Variants in ADAMTSL1 observed in about 807,000 individuals in gnomAD.
ADAMTSL1 encodes the protein ADAMTS-like protein 1.
Under a neutral mutation model 201.8 loss-of-function variants are expected in ADAMTSL1, and 126 were observed. The ratio of observed to expected loss-of-function variants is 0.62; its 90% CI spans 0.54 to 0.72. The LOEUF (loss-of-function observed/expected upper bound fraction) is 0.72. ADAMTSL1 is among the 30% of genes least tolerant of loss of function. ADAMTSL1 has a pLI of 0.00. For missense variants in ADAMTSL1, 2,679 were observed against 2,277.8 expected (o/e 1.18, Z -3.59); for synonymous variants, 1,121 against 903.4 (o/e 1.24, Z -4.32).
At chr9:18,495,254 A>T (rs1822476531) in intron 1 of ADAMTSL1, among the ~76,000 whole-genome samples, 2 of 152,198 alleles carry the variant, frequency 1.3e-5, no homozygotes, top group South Asian at 4.1e-4. Context: ...TGAAAACATA[A>T]GCATGCAGGA....
chr9:18,272,151 C>A (rs1832395776), intron 2 of ADAMTSL1, among the ~76,000 whole-genome samples: 3 of 152,096 alleles, frequency 2.0e-5, no homozygotes, highest in Admixed American at 6.6e-5. Context: ...ATGGTAGTTT[C>A]TTTTGCTGTG....
intron 5 of ADAMTSL1, among the ~76,000 whole-genome samples, chr9:18,632,243 C>A (rs552710258): frequency 3.3e-5 from 5 of 152,330 alleles, no homozygotes; most frequent in African/African-American, 1.2e-4. Flanking sequence ...GAGGATTTAT[C>A]AGAAAGTGAG....
At chr9:18,219,837 A>G (rs1165043368) in intron 2 of ADAMTSL1, among the ~76,000 whole-genome samples, 1 of 152,134 alleles carries the variant, frequency 6.6e-6, no homozygotes, top group Non-Finnish European at 1.5e-5. Context: ...GATACAACTG[A>G]TATCAAGTGT....
intron 9 of ADAMTSL1, 108 bp downstream of exon 9, chr9:18,662,181 T>A (rs1405262508): frequency 2.2e-6 from 3 of 1,370,908 alleles, no homozygotes; most frequent in Non-Finnish European, 1.0e-6. Flanking sequence ...AAATTAAACA[T>A]CAATAGTGTT....
At chr9:18,125,035 AAAAAC>A (rs200206380) in intron 1 of ADAMTSL1, among the ~76,000 whole-genome samples, 1,706 of 152,264 alleles carry the variant, frequency 0.011, 36 homozygotes, top group African/African-American at 0.039. Flanking sequence ...CTTGCTGTTA[AAAAAC>A]AAAACAAATT....
At chr9:18,885,297 C>T (rs1399752217) in intron 23 of ADAMTSL1, among the ~76,000 whole-genome samples, 1 of 152,182 alleles carries the variant, frequency 6.6e-6, no homozygotes, top group East Asian at 1.9e-4. Context: ...TAATCCAACC[C>T]ATGAGGACAG....
chr9:18,588,452 T>A (rs1823663366), intron 4 of ADAMTSL1, among the ~76,000 whole-genome samples: 1 of 152,124 alleles, frequency 6.6e-6, no homozygotes, highest in Admixed American at 6.6e-5. Context: ...GTGCAGAAGT[T>A]TTTAGCTTAA....
At chr9:18,104,443 A>T (rs1221549040) in intron 1 of ADAMTSL1, among the ~76,000 whole-genome samples, 1 of 152,158 alleles carries the variant, frequency 6.6e-6, no homozygotes, top group East Asian at 1.9e-4. Context: ...TTTCCATTTT[A>T]GCTCTTTTCC....
intron 2 of ADAMTSL1, among the ~76,000 whole-genome samples, chr9:18,426,078 C>A (rs1014309981): frequency 4.6e-5 from 7 of 152,046 alleles, no homozygotes; most frequent in Non-Finnish European, 8.8e-5. Flanking sequence ...CTGTAGTAAT[C>A]CTAATCAGAA....
intron 1 of ADAMTSL1, among the ~76,000 whole-genome samples, chr9:18,051,019 T>A (rs1486344442): frequency 6.6e-6 from 1 of 152,112 alleles, no homozygotes; most frequent in South Asian, 2.1e-4. Flanking sequence ...CCAGACTATA[T>A]GGCCGGGTGC....
intron 1 of ADAMTSL1, among the ~76,000 whole-genome samples, chr9:18,126,452 C>T (rs1226028654): frequency 6.6e-6 from 1 of 152,120 alleles, no homozygotes; most frequent in Non-Finnish European, 1.5e-5. Context: ...CTTTCAAAGC[C>T]CCTTTGGCGT....
At chr9:18,674,198 G>A (rs62550598) in intron 9 of ADAMTSL1, among the ~76,000 whole-genome samples, 57 of 58,118 alleles carry the variant, frequency 9.8e-4, no homozygotes, top group Non-Finnish European at 1.5e-3. Flanking sequence ...ACACACACAG[G>A]CACACACACA....
chr9:18,324,875 A>G lies in ADAMTSL1; in HGVS notation c.207+160894A>G, dbSNP rs551237203. Among the ~76,000 whole-genome samples the G allele has an allele frequency of 1.2e-3, 182 of 152,324 alleles. 1 individual carries two copies. The highest frequency in any genetic ancestry group is 4.2e-3 in the African/African-American group (176 of 41,570). ...TACTAAGGGGAAATATGTACAATAC[A>G]TATCTGATGAAAGACTTCTAAATCA... is the stretch of plus-strand genomic sequence containing the variant. On this transcript the variant is annotated intron_variant, in intron 2 of 29. Coordinates refer to the ADAMTSL1 transcript ENST00000680146.
chr9:18,457,000 A>G (rs1820631568), intron 2 of ADAMTSL1, among the ~76,000 whole-genome samples: 1 of 152,240 alleles, frequency 6.6e-6, no homozygotes, highest in African/African-American at 2.4e-5. Flanking sequence ...AGTCCCGGAC[A>G]TAAGTGAGGC....
intron 22 of ADAMTSL1, among the ~76,000 whole-genome samples, chr9:18,828,193 G>T (rs561857681): frequency 6.6e-6 from 1 of 152,278 alleles, no homozygotes; most frequent in South Asian, 2.1e-4. Context: ...AGTTTTAGGA[G>T]AAATATAAGT....
chr9:17,964,592 A>G (rs1027507976), intron 1 of ADAMTSL1, among the ~76,000 whole-genome samples: 1 of 152,186 alleles, frequency 6.6e-6, no homozygotes, highest in Admixed American at 6.5e-5. Context: ...AGGTACACAC[A>G]AATGAGTGTC....
At position 18,809,089 on chromosome 9, in the gene ADAMTSL1, A is replaced by G. The variant is rs149221912; in HGVS notation, c.3806-8020A>G. Among the ~76,000 whole-genome samples the G allele has an allele frequency of 1.8e-3, 267 of 152,388 alleles. 1 individual carries two copies. The highest frequency in any genetic ancestry group is 0.01 in the Middle Eastern group (3 of 294). On this transcript the variant is annotated intron_variant, in intron 20 of 28. Coordinates refer to ENST00000380548, the MANE Select transcript of ADAMTSL1 (RefSeq NM_001040272.6). ...AGAGATGTGATCTCTGATGTTATCA[A>G]AATTACATAATGAAGTAGCAGGGGC...
chr9:18,782,048 A>T, intron 19 of ADAMTSL1, among the ~76,000 whole-genome samples: 1 of 152,196 alleles, frequency 6.6e-6, no homozygotes, highest in East Asian at 1.9e-4. Flanking sequence ...TTAGTGTGTT[A>T]TGACTGGCTG....
intron 2 of ADAMTSL1, among the ~76,000 whole-genome samples, chr9:18,417,612 A>C (rs1230069124): frequency 1.3e-5 from 2 of 152,136 alleles, no homozygotes; most frequent in African/African-American, 4.8e-5. Context: ...AACTCTGCTC[A>C]TCTAAATTCA....
Sources: allele counts gnomAD v4.1 joint callset (sites outside exome capture counted in the v4.1 genomes callset), GRCh38; gene constraint gnomAD v4.1.1; transcripts MANE v1.5; gene names NCBI Gene and HGNC (gene_info 2026-07-23, HGNC 2026-07-21).